The following SERGEF variants were observed in gnomAD, a reference collection of about 807,000 sequenced individuals.
SERGEF encodes the protein secretion-regulating guanine nucleotide exchange factor.
In SERGEF, 51 loss-of-function variants were observed where a neutral mutation model predicts 50.0. The observed-to-expected ratio is 1.02, with a 90% CI of 0.81 to 1.29. The LOEUF (loss-of-function observed/expected upper bound fraction) is 1.29, where lower values mean the gene tolerates loss of function less well. Among genes scored for constraint, SERGEF ranks in the 50% most tolerant of loss-of-function variants. The probability of loss-of-function intolerance (pLI) is 0.00; values close to 1 mark genes in which losing one functional copy is unlikely to be tolerated. For missense variants in SERGEF, 521 were observed against 557.0 expected, an observed-to-expected ratio of 0.94 and a Z score of 0.65; for synonymous variants, 205 against 212.4, an observed-to-expected ratio of 0.97 and a Z score of 0.30.
At chr11:17,860,502 T>C (rs1850907328) in intron 10 of SERGEF, among the ~76,000 whole-genome samples, 1 of 152,192 alleles carries the variant, frequency 6.6e-6, no homozygotes, top group Admixed American at 6.5e-5. Flanking sequence ...TTTAGAAATA[T>C]AGAGATAGAC....
At chr11:17,961,853 C>T (rs1205861204) in intron 8 of SERGEF, among the ~76,000 whole-genome samples, 1 of 152,204 alleles carries the variant, frequency 6.6e-6, no homozygotes, top group Non-Finnish European at 1.5e-5. Flanking sequence ...TCAGAAGGCT[C>T]ACCCAGGACA....
At chr11:17,954,038 A>G (rs567858047) in intron 9 of SERGEF, among the ~76,000 whole-genome samples, 29 of 152,316 alleles carry the variant, frequency 1.9e-4, no homozygotes, top group African/African-American at 6.7e-4. Context: ...TCCCATTTCC[A>G]GAGGGCTTTA....
At chr11:17,919,945 T>TAAAAAAAA (rs58325345) in intron 9 of SERGEF, among the ~76,000 whole-genome samples, 1 of 114,348 alleles carries the variant, frequency 8.7e-6, no homozygotes. Context: ...AAACTCCATC[T>TAAAAAAAA]AAAAAAAAAA....
intron 9 of SERGEF, among the ~76,000 whole-genome samples, chr11:17,890,438 G>A (rs1239785288): frequency 6.6e-6 from 1 of 152,136 alleles, no homozygotes; most frequent in Non-Finnish European, 1.5e-5. Flanking sequence ...ATATAGAAAA[G>A]TAGGGCTGTG....
chr11:17,845,123 G>C (rs1850582183), intron 10 of SERGEF, among the ~76,000 whole-genome samples: 5 of 152,138 alleles, frequency 3.3e-5, no homozygotes, highest in Admixed American at 3.3e-4. Context: ...ATCTCCACCA[G>C]GTTCCCTTCT....
chr11:17,815,899 C>T (rs749305875), intron 10 of SERGEF, among the ~76,000 whole-genome samples: 2 of 151,948 alleles, frequency 1.3e-5, no homozygotes, highest in East Asian at 1.9e-4. Context: ...TCCAGCCTGG[C>T]GACAGTGAGA....
chr11:17,868,826 C>T (rs1016718522), intron 10 of SERGEF, among the ~76,000 whole-genome samples: 9 of 152,120 alleles, frequency 5.9e-5, no homozygotes, highest in Non-Finnish European at 1.3e-4. Context: ...GGAAACTCCC[C>T]TTTTTAAAAC....
intron 10 of SERGEF, among the ~76,000 whole-genome samples, chr11:17,793,442 C>T (rs1849518654): frequency 6.6e-6 from 1 of 152,194 alleles, no homozygotes; most frequent in African/African-American, 2.4e-5. Flanking sequence ...CATTCACCCC[C>T]TAACCTCACT....
intron 10 of SERGEF, among the ~76,000 whole-genome samples, chr11:17,849,571 C>G (rs1448807514): frequency 6.8e-6 from 1 of 147,564 alleles, no homozygotes; most frequent in African/African-American, 2.5e-5. Flanking sequence ...CCTTCTATAT[C>G]TACAGTAGTA....
intron 9 of SERGEF, among the ~76,000 whole-genome samples, chr11:17,923,010 C>A (rs931932622): frequency 6.6e-6 from 1 of 152,328 alleles, no homozygotes; most frequent in South Asian, 2.1e-4. Flanking sequence ...TGGGTAATGA[C>A]CACGGGGCCA....
At chr11:17,855,126 C>T (rs1850793257) in intron 10 of SERGEF, 1 of 152,164 alleles carries the variant, frequency 6.6e-6, no homozygotes, top group South Asian at 2.1e-4. Context: ...AATATTCTTA[C>T]TTTTTATACA....
chr11:17,988,951 C>T (rs1853653863), intron 7 of SERGEF, among the ~76,000 whole-genome samples, 196 bp from the exon 8 acceptor site: 1 of 152,130 alleles, frequency 6.6e-6, no homozygotes, highest in South Asian at 2.1e-4. Context: ...AAATTCTATA[C>T]ATAAAAAACA....
At chr11:17,982,254 G>A (rs1419352954) in intron 8 of SERGEF, among the ~76,000 whole-genome samples, 1 of 152,174 alleles carries the variant, frequency 6.6e-6, no homozygotes, top group Non-Finnish European at 1.5e-5. Context: ...AGACTTGATT[G>A]AGTTCTGGTC....
rs1197906425 is a variant in SERGEF, at chr11:18,012,884, CG to C, written c.60+66del. On this transcript the variant is annotated intron_variant, in intron 1 of 10. Transcript: ENST00000265965. ...CCCAGCCCCTGAACTGCCCACGCCGCGGCCAGCAGCTCCCACATCTCGGCGC... is the reference window on the plus strand; with the variant it reads ...CCCAGCCCCTGAACTGCCCACGCCGCGCCAGCAGCTCCCACATCTCGGCGC... 6.5e-6 allele frequency: 10 copies of C among 1,530,286 alleles called. No individual in the cohort carries two copies. The Middle Eastern group carries it at 7.3e-4, about 111-fold the overall frequency. The allele number at this position is 1,530,286 out of a possible 1,614,324, so 94.8% of individuals were successfully genotyped here. A position where few individuals can be genotyped will look rare whatever the true frequency, so the allele number is the denominator to read the frequency against.
At chr11:17,971,515 A>G (rs544215014) in intron 8 of SERGEF, among the ~76,000 whole-genome samples, 1 of 152,342 alleles carries the variant, frequency 6.6e-6, no homozygotes, top group African/African-American at 2.4e-5. Context: ...CAGAGCCTGG[A>G]TGATAGCACA....
chr11:17,881,514 A>G (rs1565193715), intron 9 of SERGEF, among the ~76,000 whole-genome samples: 2 of 152,170 alleles, frequency 1.3e-5, no homozygotes, highest in Non-Finnish European at 2.9e-5. Context: ...TGTATCAATG[A>G]CCATTTGCTT....
intron 10 of SERGEF, chr11:17,855,071 C>A (rs553082295): frequency 6.6e-6 from 1 of 152,344 alleles, no homozygotes; most frequent in East Asian, 1.9e-4. Context: ...CTCTCAAAAT[C>A]ACGTCAACTT....
intron 8 of SERGEF, 73 bp from the exon 9 acceptor site, chr11:17,959,709 A>G (rs1852958043): frequency 1.5e-6 from 2 of 1,345,976 alleles, no homozygotes; most frequent in Admixed American, 2.2e-5. Flanking sequence ...ATGAATTACA[A>G]GAGAAAGTGT....
At chr11:18,001,650 T>G (rs1468122573) in intron 4 of SERGEF, among the ~76,000 whole-genome samples, 1 of 152,244 alleles carries the variant, frequency 6.6e-6, no homozygotes. Flanking sequence ...AAATGTTTGC[T>G]GTTTTAAGCT....
Sources: allele counts gnomAD v4.1 joint callset (sites outside exome capture counted in the v4.1 genomes callset), GRCh38; gene constraint gnomAD v4.1.1; transcripts MANE v1.5; gene names NCBI Gene and HGNC (gene_info 2026-07-23, HGNC 2026-07-21).